Variants in AHDC1 observed in about 807,000 individuals in gnomAD.
The protein encoded by AHDC1 is AT-hook DNA binding motif containing 1.
Under a neutral mutation model 87.9 loss-of-function variants are expected in AHDC1, and 7 were observed. That is an observed-to-expected ratio of 0.08 (90% CI 0.05 to 0.15). AHDC1 has a LOEUF of 0.15. AHDC1 is among the 10% of genes least tolerant of loss of function. The pLI is 1.00. For synonymous variants in AHDC1, 1,051 were observed against 1,006.8 expected, an observed-to-expected ratio of 1.04 and a Z score of -0.83; for missense variants, 1,841 against 2,253.2, an observed-to-expected ratio of 0.82 and a Z score of 3.70.
intron 8 of AHDC1, among the ~76,000 whole-genome samples, chr1:27,546,503 T>C (rs921408026): frequency 3.9e-5 from 6 of 152,214 alleles, no homozygotes; most frequent in Non-Finnish European, 7.3e-5. Flanking sequence ...TCAAAATACC[T>C]TTGCCTGAAG....
Position 27,561,176 on chromosome 1 carries a change from G to A in AHDC1, c.-628-2293C>T, listed in dbSNP as rs545727065. On this transcript the variant is annotated intron_variant, in intron 3 of 8. Transcript: ENST00000673934. The surrounding 1 kb of genome is among the most constrained non-coding windows in gnomAD (Gnocchi z 4.2). ...ACCTTTGCAGCTCCCCAGAGGCCCAGGAGGAAGGAAAAGATGGAAATCTGG... is the reference window on the plus strand; with the variant it reads ...ACCTTTGCAGCTCCCCAGAGGCCCAAGAGGAAGGAAAAGATGGAAATCTGG... 5.9e-5 allele frequency among the ~76,000 whole-genome samples: 9 copies of A among 152,338 alleles called. No individual in the cohort carries two copies. The highest frequency in any genetic ancestry group is 1.9e-4 in the East Asian group (1 of 5,192).
Position 27,558,249 on chromosome 1 carries a change from G to C in AHDC1, c.-225+56C>G, listed in dbSNP as rs1305382046. 1 of 152,058 alleles carries C rather than the reference G, an allele frequency of 6.6e-6. No homozygotes were observed. The highest frequency in any genetic ancestry group is 1.5e-5 in the Non-Finnish European group (1 of 68,106). 9.4% of individuals were successfully genotyped at this position (152,058 alleles called of 1,614,324 possible). A position where few individuals can be genotyped will look rare whatever the true frequency, so the allele number is the denominator to read the frequency against. On this transcript the variant is annotated intron_variant, in intron 5 of 8. Coordinates refer to ENST00000673934, the MANE Select transcript of AHDC1 (RefSeq NM_001371928.1). The surrounding 1 kb of genome is among the most constrained non-coding windows in gnomAD (Gnocchi z 5.6). The stretch of plus-strand genomic sequence containing the variant: ...CTGCCACTGCCCCCGCCCCCTCCCT[G>C]TCCTGCAAGGGCACCTTAGCATACC...
rs750643050 is a variant in AHDC1, at chr1:27,548,589, G to A, written c.3527C>T (p.Pro1176Leu). Residue 1176 changes from proline to leucine, a missense_variant, in exon 8 of 9, where the codon CCG (proline) becomes CTG (leucine). Transcript: ENST00000673934. ...SSSDSTQFNQ[P>L]VGGGGFRRAN... ...ACGCCGAAACCCCCCGCCACCAACC[G>A]GCTGATTGAACTGGGTGCTGTCGGA... The A allele has an allele frequency of 9.9e-6, 16 of 1,613,408 alleles. No homozygotes were observed. In the East Asian group the frequency reaches 1.3e-4, roughly 13 times the overall value.
rs1203223065 is a variant in AHDC1 at position 27,549,644 on chromosome 1, G to A, written c.2472C>T (p.Gly824=). Residue 824 remains glycine (G), a synonymous_variant, in exon 8 of 9, where the codon GGC becomes GGT. Coordinates refer to ENST00000673934, the MANE Select transcript of AHDC1 (RefSeq NM_001371928.1). ...GGCGCTCCTGGCTGAGCTCGGTCTG[G>A]CCTGAGGGTGCACCCGTGCTGTAGT... ...GSYYSTGAPS[G]QTELSQERQN... 1 of 1,613,030 alleles carries A rather than the reference G, an allele frequency of 6.2e-7. No individual in the cohort carries two copies.
intron 8 of AHDC1, among the ~76,000 whole-genome samples, chr1:27,535,527 A>G (rs1182885150): frequency 1.3e-5 from 2 of 152,126 alleles, no homozygotes; most frequent in Non-Finnish European, 2.9e-5. Flanking sequence ...CATCATGGGG[A>G]GGGCAGGGCC....
rs545268532 is a variant in AHDC1 at position 27,544,055 on chromosome 1, T to C, written c.*43+3206A>G. Among the ~76,000 whole-genome samples the C allele has an allele frequency of 5.3e-5, 8 of 152,090 alleles. No homozygotes were observed. The East Asian group carries it at 1.5e-3, about 29-fold the overall frequency. On this transcript the variant is annotated intron_variant, in intron 8 of 8. Coordinates refer to ENST00000673934, the MANE Select transcript of AHDC1 (RefSeq NM_001371928.1). Reference sequence around the variant, plus strand: ...CAGCCATATGGCAGAGCACCCAGGCTCAGGAGGGACAGTACTGGGTTCTAA... The same window carrying C: ...CAGCCATATGGCAGAGCACCCAGGCCCAGGAGGGACAGTACTGGGTTCTAA...
At chr1:27,543,594 G>A (rs1040642894) in intron 8 of AHDC1, among the ~76,000 whole-genome samples, 2 of 152,200 alleles carry the variant, frequency 1.3e-5, no homozygotes, top group Non-Finnish European at 2.9e-5. Context: ...TTGAGCTCCA[G>A]TGCAGCTTCT....
chr1:27,536,327 C>T (rs1381108433), intron 8 of AHDC1, among the ~76,000 whole-genome samples: 1 of 152,238 alleles, frequency 6.6e-6, no homozygotes, highest in Non-Finnish European at 1.5e-5. Context: ...GGCAGCACCT[C>T]ATCCTGGTGG....
At chr1:27,559,787 C>T (rs536044728) in intron 3 of AHDC1, among the ~76,000 whole-genome samples, 1 of 152,310 alleles carries the variant, frequency 6.6e-6, no homozygotes, top group South Asian at 2.1e-4. Flanking sequence ...CTGCTTCCTG[C>T]CCATTTGTCT....
chr1:27,537,981 G>C (rs1162467482), intron 8 of AHDC1, among the ~76,000 whole-genome samples: 1 of 152,174 alleles, frequency 6.6e-6, no homozygotes, highest in African/African-American at 2.4e-5. Context: ...TCATTTAAGT[G>C]AACAGCAAAC....
rs1250596331 is a variant in AHDC1 at position 27,571,068 on chromosome 1, G to A, written c.-628-12185C>T. Among the ~76,000 whole-genome samples, 12 of 152,158 alleles carry A rather than the reference G, an allele frequency of 7.9e-5. No homozygotes were observed. The East Asian group carries it at 2.3e-3, about 29-fold the overall frequency. On this transcript the variant is annotated intron_variant, in intron 3 of 8. Coordinates refer to ENST00000673934, the MANE Select transcript of AHDC1 (RefSeq NM_001371928.1). ...TTAACCCTTTGCAGCCTGACTTTCA[G>A]GAAGAAAAGGCAGGGTACTCTACTT... is the stretch of plus-strand genomic sequence containing the variant.
chr1:27,544,247 G>C (rs1207047049), intron 8 of AHDC1, among the ~76,000 whole-genome samples: 1 of 152,100 alleles, frequency 6.6e-6, no homozygotes. Context: ...TTACATAAAG[G>C]GCCCAGCACA....
chr1:27,575,855 G>T (rs1319596107), intron 3 of AHDC1, among the ~76,000 whole-genome samples: 2 of 146,594 alleles, frequency 1.4e-5, no homozygotes, highest in African/African-American at 4.9e-5. Flanking sequence ...CCTGGCCCCC[G>T]GCCCGCCAGG....
Position 27,590,152 on chromosome 1 carries a change from C to T in AHDC1, c.-629+13245G>A, listed in dbSNP as rs1046297930. ...GGAGGGATGAGCTGCAGGCCCCGGC[C>T]GGGATTTTCCATCTCTCAGCAACAA... On this transcript the variant is annotated intron_variant, in intron 3 of 8. Coordinates refer to ENST00000673934, the MANE Select transcript of AHDC1 (RefSeq NM_001371928.1). The surrounding 1 kb of genome is among the most constrained non-coding windows in gnomAD (Gnocchi z 5.4). Among the ~76,000 whole-genome samples the T allele has an allele frequency of 2.6e-5, 4 of 152,284 alleles. No homozygotes were observed. The highest frequency in any genetic ancestry group is 4.8e-5 in the African/African-American group (2 of 41,548).
chr1:27,562,862 C>A lies in AHDC1; in HGVS notation c.-628-3979G>T, dbSNP rs564416313. ...ACATGCCACTCCCCACAACAGCCTG[C>A]GACGGGCACATGGTGACATCTCACA... On this transcript the variant is annotated intron_variant, in intron 3 of 8. Transcript: ENST00000673934. This position sits in a 1 kb window ranked among gnomAD's most constrained non-coding sequence, Gnocchi z 4.4. Among the ~76,000 whole-genome samples, 121 of 152,252 alleles carry A rather than the reference C, an allele frequency of 7.9e-4. No homozygotes were observed. Among genetic ancestry groups the A allele is most frequent in the Non-Finnish European group, 1.5e-3 (99 of 68,010 alleles).
chr1:27,547,816 G>C lies in AHDC1; in HGVS notation c.4300C>G (p.Leu1434Val), dbSNP rs1165831048. ...PLKHGLQGAS[L>V]GHAAAAQAHL... ...GCCTGGGCTGCAGCTGCGTGGCCCAGGCTGGCCCCCTGGAGTCCATGCTTG... is the reference window on the plus strand; with the variant it reads ...GCCTGGGCTGCAGCTGCGTGGCCCACGCTGGCCCCCTGGAGTCCATGCTTG... Residue 1434 changes from leucine to valine, a missense_variant, in exon 8 of 9, where the codon CTG (leucine) becomes GTG (valine). Leu to Val is a conservative substitution (Grantham distance 32). This residue lies in a region of AHDC1 where 505 missense variants were observed against 626.2 expected (regional missense o/e 0.81). Coordinates refer to ENST00000673934, the MANE Select transcript of AHDC1 (RefSeq NM_001371928.1). The surrounding 1 kb of genome is among the most constrained non-coding windows in gnomAD (Gnocchi z 4.9). 1 of 1,554,078 alleles carries C rather than the reference G, an allele frequency of 6.4e-7. No individual in the cohort carries two copies. Among genetic ancestry groups the C allele is most frequent in the Non-Finnish European group, 8.7e-7 (1 of 1,148,178 alleles).
intron 3 of AHDC1, among the ~76,000 whole-genome samples, chr1:27,559,414 T>A (rs1366291805): frequency 6.6e-6 from 1 of 152,208 alleles, no homozygotes; most frequent in Non-Finnish European, 1.5e-5. Flanking sequence ...CACATCTATG[T>A]ACACACATGC....
intron 3 of AHDC1, among the ~76,000 whole-genome samples, chr1:27,603,152 C>T (rs1275791995): frequency 7.5e-6 from 1 of 133,550 alleles, no homozygotes; most frequent in Non-Finnish European, 1.7e-5. Flanking sequence ...AACCCCCCCT[C>T]CCCGCCCCCC....
Position 27,595,584 on chromosome 1 carries a change from G to A in AHDC1, c.-629+7813C>T, listed in dbSNP as rs78785550. Among the ~76,000 whole-genome samples the A allele has an allele frequency of 2.9e-4, 44 of 152,038 alleles. No homozygotes were observed. The highest frequency in any genetic ancestry group is 8.9e-4 in the African/African-American group (37 of 41,394). The stretch of plus-strand genomic sequence containing the variant: ...CTGGAAAGGTGTTGTGGTTGGTGGA[G>A]GATGCACTGTGGTTTTGGGGAGGAG... On this transcript the variant is annotated intron_variant, in intron 3 of 8. Transcript: ENST00000673934. This position sits in a 1 kb window ranked among gnomAD's most constrained non-coding sequence, Gnocchi z 4.0.
Sources: allele counts gnomAD v4.1 joint callset (sites outside exome capture counted in the v4.1 genomes callset), GRCh38; gene constraint gnomAD v4.1.1; regional missense constraint gnomAD v4.1.1; non-coding constraint Gnocchi (gnomAD v3.1); transcripts MANE v1.5; gene names NCBI Gene and HGNC (gene_info 2026-07-23, HGNC 2026-07-21).